RBM20: variants seen among roughly 807,000 people sequenced by gnomAD.
RBM20 encodes RNA-binding protein 20.
A neutral mutation model predicts 110.1 loss-of-function variants in RBM20; 51 were observed. The ratio of observed to expected loss-of-function variants is 0.46; its 90% CI spans 0.37 to 0.59. The LOEUF (loss-of-function observed/expected upper bound fraction) is 0.59. Ranked by LOEUF, RBM20 falls within the 20% of genes least tolerant of loss-of-function variation. The probability of loss-of-function intolerance (pLI) is 0.00; values close to 1 mark genes in which losing one functional copy is unlikely to be tolerated. For synonymous variants in RBM20, 589 were observed against 618.2 expected, an observed-to-expected ratio of 0.95 and a Z score of 0.70; for missense variants, 1,512 against 1,574.9, an observed-to-expected ratio of 0.96 and a Z score of 0.68.
At chr10:110,650,635 G>A (rs1443436757) in intron 1 of RBM20, among the ~76,000 whole-genome samples, 5 of 152,132 alleles carry the variant, frequency 3.3e-5, no homozygotes, top group Admixed American at 6.6e-5. Context: ...CTTTGCACCT[G>A]CTTTCTCTTG....
intron 8 of RBM20, among the ~76,000 whole-genome samples, chr10:110,811,063 C>A (rs529932071): frequency 6.6e-6 from 1 of 152,212 alleles, no homozygotes; most frequent in Non-Finnish European, 1.5e-5. Flanking sequence ...TGACCACTGT[C>A]ACTCCCCTAC....
chr10:110,776,475 T>C (rs1844265804), intron 1 of RBM20, among the ~76,000 whole-genome samples: 2 of 152,190 alleles, frequency 1.3e-5, no homozygotes, highest in Admixed American at 6.5e-5. Context: ...GACAATCTGT[T>C]TCCTGGTCTT....
intron 1 of RBM20, among the ~76,000 whole-genome samples, chr10:110,747,274 T>C (rs1843792622): frequency 6.9e-6 from 1 of 145,208 alleles, no homozygotes; most frequent in African/African-American, 2.5e-5. Context: ...AAGTTGAGCA[T>C]TGATTTTAAA....
rs1430386333 is a variant in RBM20, at chr10:110,781,118, C to A, written c.509C>A (p.Ala170Asp). 1.3e-6 allele frequency: 2 copies of A among 1,551,834 alleles called. No individual in the cohort carries two copies. The highest frequency in any genetic ancestry group is 1.4e-5 in the African/African-American group (1 of 73,164). The change falls in exon 2 of 14, where the codon GCC (alanine) becomes GAC (aspartate). Residue 170 changes from alanine to aspartate, a missense_variant. By Grantham distance (126) the Ala-to-Asp change is moderately radical. Transcript: ENST00000369519. The part of the protein sequence containing the change: ...PSTRFPSNAI[A>D]FSPPSQTRGP... ...ACCCGGTTTCCCTCTAATGCAATTG[C>A]CTTTTCACCCCCCAGCCAGACACGA...
chr10:110,762,784 T>C (rs1311212372), intron 1 of RBM20, among the ~76,000 whole-genome samples: 4 of 152,192 alleles, frequency 2.6e-5, no homozygotes, highest in Non-Finnish European at 4.4e-5. Flanking sequence ...GAGCCTTCTA[T>C]GTGGGTTTGG....
intron 1 of RBM20, among the ~76,000 whole-genome samples, chr10:110,716,115 C>T (rs1190786415): frequency 2.6e-5 from 4 of 152,184 alleles, no homozygotes; most frequent in African/African-American, 9.7e-5. Context: ...GCCAATTTTC[C>T]AGTTTGGAAA....
At chr10:110,798,812 C>G (rs538659219) in intron 6 of RBM20, among the ~76,000 whole-genome samples, 5 of 152,280 alleles carry the variant, frequency 3.3e-5, no homozygotes, top group Non-Finnish European at 7.3e-5. Flanking sequence ...GACCCCTTTT[C>G]CCCTGCAGCA....
chr10:110,696,974 G>A (rs767124625), intron 1 of RBM20, among the ~76,000 whole-genome samples: 2 of 152,020 alleles, frequency 1.3e-5, no homozygotes, highest in Non-Finnish European at 2.9e-5. Flanking sequence ...GCCACCAAAG[G>A]CAACCCCCAT....
chr10:110,705,786 A>G (rs1862828472), intron 1 of RBM20, among the ~76,000 whole-genome samples: 1 of 152,238 alleles, frequency 6.6e-6, no homozygotes. Flanking sequence ...CATTGTTTAG[A>G]CTACTGACGC....
chr10:110,703,084 A>G (rs1418929664), intron 1 of RBM20, among the ~76,000 whole-genome samples: 1 of 151,144 alleles, frequency 6.6e-6, no homozygotes, highest in African/African-American at 2.4e-5. Context: ...ACTTGTAGGA[A>G]ATAATTTAGG....
At chr10:110,788,039 G>C (rs989798392) in intron 5 of RBM20, among the ~76,000 whole-genome samples, 1 of 152,114 alleles carries the variant, frequency 6.6e-6, no homozygotes, top group Non-Finnish European at 1.5e-5. Flanking sequence ...GCCTAGAGAA[G>C]CTTAGTACCT....
intron 1 of RBM20, among the ~76,000 whole-genome samples, chr10:110,666,157 T>C (rs1161298279): frequency 1.3e-5 from 2 of 152,210 alleles, no homozygotes; most frequent in African/African-American, 2.4e-5. Context: ...TGGCCATAGA[T>C]TGATAATTTT....
At chr10:110,670,020 A>T (rs1862235422) in intron 1 of RBM20, among the ~76,000 whole-genome samples, 2 of 152,198 alleles carry the variant, frequency 1.3e-5, no homozygotes, top group Non-Finnish European at 2.9e-5. Flanking sequence ...ACCATGACCC[A>T]ACTTTATTTA....
intron 1 of RBM20, among the ~76,000 whole-genome samples, chr10:110,748,196 C>T (rs1843807946): frequency 6.6e-6 from 1 of 152,150 alleles, no homozygotes; most frequent in Non-Finnish European, 1.5e-5. Context: ...GAGATTGAAT[C>T]AGTGGCAAAA....
At chr10:110,645,524 A>G (rs867709997) in intron 1 of RBM20, among the ~76,000 whole-genome samples, 6 of 152,360 alleles carry the variant, frequency 3.9e-5, no homozygotes, top group Middle Eastern at 3.4e-3. Context: ...AACTGACAAC[A>G]CTAAATAAAT....
rs116212630 is a variant in RBM20 at position 110,762,407 on chromosome 10, C to T, written c.192-18394C>T. On this transcript the variant is annotated intron_variant, in intron 1 of 13. Transcript: ENST00000369519. ...TTTCATTTGGGATGTTCAGCTTGTG[C>T]GTCTTCATTTCCAGATTGGAACTGG... 3.2e-3 allele frequency among the ~76,000 whole-genome samples: 491 copies of T among 152,308 alleles called. 3 individuals are homozygous for T. Among genetic ancestry groups the T allele is most frequent in the African/African-American group, 0.011 (460 of 41,536 alleles).
At position 110,686,836 on chromosome 10, in the gene RBM20, C is replaced by G. The variant is rs192662961; in HGVS notation, c.191+42191C>G. ...GGCAGATCATTTGAGGTCAGGAGTTCGAGACCAGCCTGACCAACACGGTGA... is the reference window on the plus strand; with the variant it reads ...GGCAGATCATTTGAGGTCAGGAGTTGGAGACCAGCCTGACCAACACGGTGA... On this transcript the variant is annotated intron_variant, in intron 1 of 13. Coordinates refer to ENST00000369519, the MANE Select transcript of RBM20 (RefSeq NM_001134363.3). 3.3e-5 allele frequency among the ~76,000 whole-genome samples: 5 copies of G among 151,762 alleles called. No homozygotes were observed. The South Asian group carries it at 1.0e-3, about 32-fold the overall frequency.
intron 1 of RBM20, among the ~76,000 whole-genome samples, chr10:110,682,427 T>A (rs1862436739): frequency 1.3e-5 from 2 of 152,202 alleles, no homozygotes; most frequent in South Asian, 4.1e-4. Flanking sequence ...CCACATGTTC[T>A]CTGTTGCAAC....
At chr10:110,702,347 AC>A (rs5787868) in intron 1 of RBM20, among the ~76,000 whole-genome samples, 26,761 of 151,578 alleles carry the variant, frequency 0.18, 2,513 homozygotes, top group East Asian at 0.32. Context: ...CAAAAGTGAG[AC>A]CCCCCCATCT....
Sources: allele counts gnomAD v4.1 joint callset (sites outside exome capture counted in the v4.1 genomes callset), GRCh38; gene constraint gnomAD v4.1.1; transcripts MANE v1.5; gene names NCBI Gene and HGNC (gene_info 2026-07-23, HGNC 2026-07-21).